Variants in DMD observed in about 807,000 individuals in gnomAD.
The protein encoded by DMD is dystrophin.
In DMD, 63 loss-of-function variants were observed where a neutral mutation model predicts 330.1. That is an observed-to-expected ratio of 0.19 (90% CI 0.16 to 0.24). DMD has a LOEUF of 0.24. Among genes scored for constraint, DMD ranks in the 10% least tolerant of loss-of-function variants. The probability of loss-of-function intolerance (pLI) is 1.00; values close to 1 mark genes in which losing one functional copy is unlikely to be tolerated. For missense variants in DMD, 3,344 were observed against 2,684.1 expected (o/e 1.25, Z -5.43); for synonymous variants, 1,223 against 959.8 (o/e 1.27, Z -5.07).
intron 13 of DMD, among the ~76,000 whole-genome samples, chrX:32,589,713 T>G (rs1197870953): frequency 9.0e-6 from 1 of 111,498 alleles, no homozygotes; most frequent in Non-Finnish European, 1.9e-5. Flanking sequence ...AAACATGAGT[T>G]TTCTGACTTA....
chrX:31,844,689 T>A (rs1481806887), intron 48 of DMD, among the ~76,000 whole-genome samples: 1 of 111,814 alleles, frequency 8.9e-6, no homozygotes, highest in Admixed American at 9.5e-5. Context: ...GTTTGTGTTA[T>A]CTATGGTTTC....
At chrX:33,230,338 T>C (rs762021159) in intron 1 of DMD, among the ~76,000 whole-genome samples, 3 of 111,251 alleles carry the variant, frequency 2.7e-5, no homozygotes, top group South Asian at 3.7e-4. Context: ...TATTGCAGTA[T>C]TAACCTGTAT....
chrX:33,315,704 A>T lies in DMD; in HGVS notation c.7+23555T>A, dbSNP rs761508230. Among the ~76,000 whole-genome samples the T allele has an allele frequency of 1.0e-3, 115 of 112,205 alleles. 1 individual carries two copies. Among genetic ancestry groups the T allele is most frequent in the Admixed American group, 1.8e-3 (19 of 10,548 alleles). On this transcript the variant is annotated intron_variant, in intron 1 of 17. Coordinates refer to the DMD transcript ENST00000288447. ...GAGTGTAACTGCTTTTAAGAATTAT[A>T]TGAGTCCTCCTAAGGAATAATTGAA...
intron 44 of DMD, among the ~76,000 whole-genome samples, chrX:32,136,731 TA>T (rs2096727382): frequency 1.8e-5 from 2 of 111,927 alleles, no homozygotes; most frequent in Non-Finnish European, 3.8e-5. Flanking sequence ...ATACAAATTC[TA>T]ATCCACCGAT....
chrX:33,046,053 T>A (rs906138299), intron 1 of DMD, among the ~76,000 whole-genome samples: 10 of 111,435 alleles, frequency 9.0e-5, no homozygotes, highest in Admixed American at 4.8e-4. Context: ...ACAGACCACA[T>A]TGGATGTCAC....
At chrX:33,009,609 CACATATGT>C (rs1166676198) in intron 2 of DMD, among the ~76,000 whole-genome samples, 1 of 57,047 alleles carries the variant, frequency 1.8e-5, no homozygotes. Context: ...TGTGTATATA[CACATATGT>C]GTGTATGTGT....
At chrX:32,421,095 C>A (rs1171795918) in intron 29 of DMD, among the ~76,000 whole-genome samples, 1 of 111,883 alleles carries the variant, frequency 8.9e-6, no homozygotes, top group African/African-American at 3.2e-5. Flanking sequence ...CCTTTTTCAT[C>A]CTACCCAATT....
At chrX:33,058,474 T>TTA (rs141377419) in intron 1 of DMD, among the ~76,000 whole-genome samples, 11 of 28,756 alleles carry the variant, frequency 3.8e-4, no homozygotes, top group African/African-American at 2.6e-3. Context: ...TTATTTTATT[T>TTA]TTTTTTTTTG....
intron 43 of DMD, among the ~76,000 whole-genome samples, chrX:32,265,616 C>T (rs62591888): frequency 0.11 from 12,741 of 112,051 alleles, 735 homozygotes; most frequent in Non-Finnish European, 0.16. Flanking sequence ...GGGCTGTACC[C>T]TGCAACGCCA....
intron 60 of DMD, among the ~76,000 whole-genome samples, chrX:31,371,928 C>T (rs746807493): frequency 2.7e-5 from 3 of 112,110 alleles, no homozygotes; most frequent in Non-Finnish European, 5.6e-5. Flanking sequence ...ACTTAACTCG[C>T]TAAGTTTCTG....
chrX:32,732,188 G>C (rs1186052861), intron 7 of DMD, among the ~76,000 whole-genome samples: 1 of 111,124 alleles, frequency 9.0e-6, no homozygotes, highest in Non-Finnish European at 1.9e-5. Context: ...TTAATGAAAT[G>C]AACCGAGAAG....
intron 2 of DMD, among the ~76,000 whole-genome samples, chrX:32,931,463 T>TA (rs1199222937): frequency 8.9e-6 from 1 of 111,774 alleles, no homozygotes; most frequent in Non-Finnish European, 1.9e-5. Context: ...AATTAGAAAA[T>TA]AGAGTAACTG....
intron 43 of DMD, among the ~76,000 whole-genome samples, chrX:32,219,005 T>G (rs2097123515): frequency 8.9e-6 from 1 of 112,173 alleles, no homozygotes; most frequent in Non-Finnish European, 1.9e-5. Flanking sequence ...TTGCACTCAT[T>G]GTATTTAATG....
intron 55 of DMD, among the ~76,000 whole-genome samples, chrX:31,573,844 T>C (rs1050861376): frequency 9.0e-6 from 1 of 110,796 alleles, no homozygotes; most frequent in African/African-American, 3.3e-5. Context: ...ACAGCCAGGG[T>C]TCAGTATTAT....
chrX:33,257,070 TG>T (rs2052870510), intron 1 of DMD, among the ~76,000 whole-genome samples: 1 of 110,519 alleles, frequency 9.0e-6, no homozygotes, highest in African/African-American at 3.3e-5. Flanking sequence ...CTTGCTCTTT[TG>T]GTGTGATCAA....
At chrX:32,946,171 C>A (rs1457516746) in intron 2 of DMD, among the ~76,000 whole-genome samples, 1 of 110,923 alleles carries the variant, frequency 9.0e-6, no homozygotes, top group East Asian at 2.9e-4. Flanking sequence ...ATGTTTAGTT[C>A]TCTTATTTTC....
At chrX:32,042,138 C>CATATATACATACATATACACACATATGT (rs2096013148) in intron 44 of DMD, among the ~76,000 whole-genome samples, 2 of 62,390 alleles carry the variant, frequency 3.2e-5, no homozygotes. Context: ...TACATATATA[C>CATATATACATACATATACACACATATGT]ATACATATAT....
intron 54 of DMD, among the ~76,000 whole-genome samples, chrX:31,630,462 G>A (rs774772003): frequency 1.3e-3 from 149 of 111,113 alleles, no homozygotes; most frequent in African/African-American, 4.8e-3. Context: ...CTTGTGTGGG[G>A]GTTTTACGGC....
chrX:32,760,157 A>C (rs1343470865), intron 7 of DMD, among the ~76,000 whole-genome samples: 1 of 111,951 alleles, frequency 8.9e-6, no homozygotes, highest in African/African-American at 3.2e-5. Flanking sequence ...GTATGTGGAG[A>C]TGTACATACC....
Sources: gnomAD v4.1 joint callset for allele counts (sites outside exome capture counted in the v4.1 genomes callset) on GRCh38, gnomAD v4.1.1 for gene constraint, MANE v1.5 for transcripts, NCBI Gene and HGNC (gene_info 2026-07-23, HGNC 2026-07-21) for gene names.